The following C10orf71 variants were observed in gnomAD, a reference collection of about 807,000 sequenced individuals.
C10orf71 encodes the protein cardiac-enriched FHL2-interacting protein.
For synonymous variants in C10orf71, 758 were observed against 726.3 expected (o/e 1.04, Z -0.70); for missense variants, 1,869 against 1,804.5 (o/e 1.04, Z -0.65).
At position 49,325,532 on chromosome 10, in the gene C10orf71, C is replaced by G; in HGVS notation, c.2987C>G (p.Ala996Gly). ...KSGSADSGKLAAPWHIPTIAL... is the reference protein window; with the variant it reads ...KSGSADSGKLGAPWHIPTIAL... ...GGTTCTGCAGACTCAGGGAAGCTGG[C>G]AGCCCCATGGCACATCCCCACCATT... Residue 996 changes from alanine (A) to glycine (G), a missense_variant, in exon 3 of 3, where the codon GCA (alanine) becomes GGA (glycine). Coordinates refer to ENST00000374144, the MANE Select transcript of C10orf71 (RefSeq NM_001135196.2). 3 of 1,550,944 alleles carry G rather than the reference C, an allele frequency of 1.9e-6. No individual in the cohort carries two copies. Among genetic ancestry groups the G allele is most frequent in the Non-Finnish European group, 2.6e-6 (3 of 1,146,506 alleles).
chr10:49,313,836 G>A (rs1848955457), intron 1 of C10orf71, among the ~76,000 whole-genome samples: 1 of 152,220 alleles, frequency 6.6e-6, no homozygotes, highest in Non-Finnish European at 1.5e-5. Context: ...CGAGTTGCCT[G>A]GTGGGTGGGC....
At chr10:49,303,502 T>G (rs1848761920) in intron 1 of C10orf71, among the ~76,000 whole-genome samples, 1 of 152,106 alleles carries the variant, frequency 6.6e-6, no homozygotes, top group Non-Finnish European at 1.5e-5. Flanking sequence ...CCAGGTGCGG[T>G]CTCAGGGCCA....
intron 1 of C10orf71, among the ~76,000 whole-genome samples, chr10:49,300,900 T>C (rs1457302415): frequency 1.3e-5 from 2 of 152,132 alleles, no homozygotes; most frequent in African/African-American, 4.8e-5. Flanking sequence ...TTAGGTCTCC[T>C]GGAACCTGGG....
chr10:49,297,896 G>A (rs573295553), upstream of C10orf71, among the ~76,000 whole-genome samples: 3 of 152,310 alleles, frequency 2.0e-5, no homozygotes, highest in South Asian at 2.1e-4. Flanking sequence ...CTCTGAGTGC[G>A]GAGCAGCAAG....
In C10orf71 at chr10:49,326,477, C is replaced by A; in HGVS notation, c.3932C>A (p.Ser1311Tyr). ...DPETGKYVKV[S>Y]IPSSEGASPE... is the part of the protein sequence containing the mutation. Reference sequence around the variant, plus strand: ...GAGACGGGCAAGTATGTCAAGGTCTCCATCCCGTCCTCCGAGGGGGCCTCC... The same window carrying A: ...GAGACGGGCAAGTATGTCAAGGTCTACATCCCGTCCTCCGAGGGGGCCTCC... The change falls in exon 3 of 3, where the codon TCC becomes TAC. Residue 1311 changes from serine to tyrosine, a missense_variant. By Grantham distance (144) the Ser-to-Tyr change is moderately radical. Transcript: ENST00000374144. 1.3e-6 allele frequency: 2 copies of A among 1,550,212 alleles called. No homozygotes were observed. Among genetic ancestry groups the A allele is most frequent in the Non-Finnish European group, 8.7e-7 (1 of 1,146,692 alleles).
intron 1 of C10orf71, among the ~76,000 whole-genome samples, chr10:49,304,727 G>A (rs893407121): frequency 2.0e-5 from 3 of 152,174 alleles, no homozygotes; most frequent in African/African-American, 7.2e-5. Context: ...TTAGTGCCTG[G>A]CTCCCTTCCC....
intron 2 of C10orf71, among the ~76,000 whole-genome samples, chr10:49,318,096 C>T (rs995290607): frequency 3.9e-5 from 6 of 152,336 alleles, no homozygotes; most frequent in South Asian, 2.1e-4. Context: ...TCATTTGTTA[C>T]GGCAGCCCCA....
rs1479492515 is a variant in C10orf71, at chr10:49,326,824, G to C, written c.4279G>C (p.Glu1427Gln). 2 of 1,545,228 alleles carry C rather than the reference G, an allele frequency of 1.3e-6. No homozygotes were observed. Among genetic ancestry groups the C allele is most frequent in the African/African-American group, 2.7e-5 (2 of 72,890 alleles). ...GLGIISTDDLEDFATEGIS is the reference protein window; with the variant it reads ...GLGIISTDDLQDFATEGIS The stretch of plus-strand genomic sequence containing the variant: ...GGGCATCATCTCCACTGATGACCTA[G>C]AGGACTTTGCCACAGAAGGCATTTC... Residue 1427 changes from glutamate (E) to glutamine (Q), a missense_variant, in exon 3 of 3, where the codon GAG becomes CAG. Physicochemically the swap from Glu to Gln is conservative, Grantham distance 29. Transcript: ENST00000374144.
At chr10:49,316,526 G>C (rs183159822) in intron 2 of C10orf71, among the ~76,000 whole-genome samples, 1 of 152,260 alleles carries the variant, frequency 6.6e-6, no homozygotes, top group East Asian at 1.9e-4. Flanking sequence ...TTAGAATGAG[G>C]ATATAAACCC....
chr10:49,307,333 TGA>T (rs941461059), intron 1 of C10orf71, among the ~76,000 whole-genome samples: 2 of 152,186 alleles, frequency 1.3e-5, no homozygotes, highest in Admixed American at 6.5e-5. Flanking sequence ...AGAGAACACC[TGA>T]GAGAGTGTCG....
rs764729263 is a variant in C10orf71 at position 49,324,775 on chromosome 10, CAGA to C, written c.2234_2236del (p.Lys745del). The C allele has an allele frequency of 1.9e-5, 29 of 1,553,212 alleles. No individual in the cohort carries two copies. The highest frequency in any genetic ancestry group is 2.4e-5 in the Non-Finnish European group (27 of 1,147,656). Reference sequence around the variant, plus strand: ...ATCCTTTGCCTCATTTGATGATCAGCAGAAGATGTGGTTTACTGAGAACCAGCG... The same window carrying C: ...ATCCTTTGCCTCATTTGATGATCAGCAGATGTGGTTTACTGAGAACCAGCG... On this transcript the variant is annotated inframe_deletion, in exon 3 of 3. Transcript: ENST00000374144.
rs60174377 is a variant in C10orf71, at chr10:49,319,682, CTATATATATATATATATATATATATA to C, written c.-144-2693_-144-2668del. ...GTATATATATGTACACACACACAAG[CTATATATATATATATATATATATATA>C]TATATATATATATATATATATATAT... On this transcript the variant is annotated intron_variant, in intron 2 of 2. Coordinates refer to ENST00000374144, the MANE Select transcript of C10orf71 (RefSeq NM_001135196.2). Among the ~76,000 whole-genome samples, 350 of 117,806 alleles carry C rather than the reference CTATATATATATATATATATATATATA, an allele frequency of 3.0e-3. 9 individuals carry two copies. In the Middle Eastern group the frequency reaches 0.03, roughly 10 times the overall value. 77.3% of individuals were successfully genotyped at this position (117,806 alleles called of 152,430 possible).
chr10:49,314,882 C>T (rs1170091830), intron 1 of C10orf71, among the ~76,000 whole-genome samples: 2 of 152,158 alleles, frequency 1.3e-5, no homozygotes, highest in Admixed American at 6.5e-5. Flanking sequence ...TAAAGATAAC[C>T]CAATTCAGAG....
At chr10:49,309,932 C>T (rs1202426086) in intron 1 of C10orf71, among the ~76,000 whole-genome samples, 3 of 152,220 alleles carry the variant, frequency 2.0e-5, no homozygotes, top group African/African-American at 7.2e-5. Flanking sequence ...TTCCCCTTCT[C>T]TAAGAAGTGA....
intron 1 of C10orf71, among the ~76,000 whole-genome samples, chr10:49,309,720 C>G (rs1236582204): frequency 6.6e-6 from 1 of 152,100 alleles, no homozygotes; most frequent in African/African-American, 2.4e-5. Flanking sequence ...GGATGGAGGA[C>G]CATCTGTGAG....
chr10:49,324,241 A>C lies in C10orf71; in HGVS notation c.1696A>C (p.Thr566Pro), dbSNP rs768337422. The C allele has an allele frequency of 1.2e-6, 2 of 1,613,940 alleles. No individual in the cohort carries two copies. Among genetic ancestry groups the C allele is most frequent in the Non-Finnish European group, 1.7e-6 (2 of 1,179,870 alleles). ...LSKERPADDP[T>P]ASHINPQKDP... The stretch of plus-strand genomic sequence containing the variant: ...TAAGGAGAGACCCGCTGATGACCCC[A>C]CTGCATCACACATCAATCCCCAGAA... The change falls in exon 3 of 3, where the codon ACT becomes CCT. Residue 566 changes from threonine to proline, a missense_variant. Coordinates refer to ENST00000374144, the MANE Select transcript of C10orf71 (RefSeq NM_001135196.2).
chr10:49,301,857 G>A (rs1332929767), intron 1 of C10orf71, among the ~76,000 whole-genome samples: 2 of 152,192 alleles, frequency 1.3e-5, no homozygotes, highest in Non-Finnish European at 2.9e-5. Flanking sequence ...GTTCTTCTGG[G>A]CCATGACACA....
rs375445110 is a variant in C10orf71 at position 49,325,316 on chromosome 10, G to T, written c.2771G>T (p.Gly924Val). The change falls in exon 3 of 3, where the codon GGC becomes GTC. Residue 924 changes from glycine (G) to valine (V), a missense_variant. Physicochemically the swap from Gly to Val is moderately radical, Grantham distance 109 (BLOSUM62 -3). Transcript: ENST00000374144. ...ACATCGACACCCACTAACACACGGG[G>T]CACACGTGTGAAGTGCATGGCCAAC... is the stretch of plus-strand genomic sequence containing the variant. Reference protein sequence around the residue: ...LGTSTPTNTRGTRVKCMANEV... With the variant: ...LGTSTPTNTRVTRVKCMANEV... 15 of 1,551,608 alleles carry T rather than the reference G, an allele frequency of 9.7e-6. No homozygotes were observed. The highest frequency in any genetic ancestry group is 1.3e-5 in the Non-Finnish European group (15 of 1,147,016).
intron 1 of C10orf71, among the ~76,000 whole-genome samples, chr10:49,302,572 C>T (rs894752977): frequency 3.3e-5 from 5 of 152,176 alleles, no homozygotes; most frequent in Non-Finnish European, 7.3e-5. Flanking sequence ...AGGCAGGCGC[C>T]GAGGCTTGAA....
Sources: gnomAD v4.1 joint callset for allele counts (sites outside exome capture counted in the v4.1 genomes callset) on GRCh38, gnomAD v4.1.1 for gene constraint, MANE v1.5 for transcripts, NCBI Gene and HGNC (gene_info 2026-07-23, HGNC 2026-07-21) for gene names.